Variants in ROBO1 observed in about 807,000 individuals in gnomAD.
ROBO1 encodes the protein roundabout guidance receptor 1.
ROBO1 carries 149 observed loss-of-function variants against 195.9 expected under a neutral mutation model. That is an observed-to-expected ratio of 0.76 (90% confidence interval 0.67 to 0.87). The LOEUF is 0.87. Ranked by LOEUF, ROBO1 falls within the 40% of genes least tolerant of loss-of-function variation. ROBO1 has a pLI of 0.00. For missense variants in ROBO1, 1,933 were observed against 2,068.3 expected (o/e 0.93, Z 1.27); for synonymous variants, 816 against 733.2 (o/e 1.11, Z -1.82).
At chr3:78,943,383 C>A (rs368510243) in intron 3 of ROBO1, among the ~76,000 whole-genome samples, 1 of 152,102 alleles carries the variant, frequency 6.6e-6, no homozygotes, top group Non-Finnish European at 1.5e-5. Context: ...TCCCCTATAG[C>A]GAAACCACAA....
Position 79,136,220 on chromosome 3 carries a change from T to A in ROBO1, c.89-10681A>T, listed in dbSNP as rs187166845. On this transcript the variant is annotated intron_variant, in intron 2 of 30. Transcript: ENST00000464233. ...TAAGAGAAAAGCCTGTTGGTTTAAA[T>A]TCAGAATTTTATTTATTTATTTTTA... Among the ~76,000 whole-genome samples, 5 of 152,334 alleles carry A rather than the reference T, an allele frequency of 3.3e-5. No homozygotes were observed. The East Asian group carries it at 9.6e-4, about 29-fold the overall frequency.
At chr3:78,748,722 T>C (rs1266099280) in intron 4 of ROBO1, among the ~76,000 whole-genome samples, 1 of 152,084 alleles carries the variant, frequency 6.6e-6, no homozygotes. Flanking sequence ...TCGAGTAAGT[T>C]ATCACATCCA....
chr3:79,022,393 A>T (rs1191555164), intron 3 of ROBO1, among the ~76,000 whole-genome samples: 1 of 152,214 alleles, frequency 6.6e-6, no homozygotes, highest in Non-Finnish European at 1.5e-5. Flanking sequence ...ATCTGTCTGA[A>T]AAAAATAAAA....
intron 3 of ROBO1, among the ~76,000 whole-genome samples, chr3:78,995,923 A>G (rs966683316): frequency 6.6e-6 from 1 of 152,106 alleles, no homozygotes; most frequent in Admixed American, 6.6e-5. Flanking sequence ...GTGGGCATAC[A>G]TGATATAAGT....
intron 2 of ROBO1, among the ~76,000 whole-genome samples, chr3:79,434,278 C>T (rs989000717): frequency 6.6e-6 from 1 of 152,264 alleles, no homozygotes; most frequent in African/African-American, 2.4e-5. Flanking sequence ...AATGAACAGG[C>T]AACCTACAGA....
intron 3 of ROBO1, among the ~76,000 whole-genome samples, chr3:78,961,088 T>C (rs997719287): frequency 1.6e-4 from 25 of 152,170 alleles, no homozygotes; most frequent in African/African-American, 5.8e-4. Flanking sequence ...TTAACTGCAA[T>C]TTACAGAAAA....
At chr3:79,010,872 C>T (rs1367592379) in intron 3 of ROBO1, among the ~76,000 whole-genome samples, 2 of 152,128 alleles carry the variant, frequency 1.3e-5, no homozygotes, top group Non-Finnish European at 2.9e-5. Context: ...AGCTTTACGT[C>T]TCCCCAGTTT....
At chr3:79,485,052 G>T (rs889852775) in intron 2 of ROBO1, among the ~76,000 whole-genome samples, 1 of 151,782 alleles carries the variant, frequency 6.6e-6, no homozygotes, top group Non-Finnish European at 1.5e-5. Flanking sequence ...ATGCCCAGCC[G>T]ACTATCTTTA....
intron 2 of ROBO1, among the ~76,000 whole-genome samples, chr3:79,168,800 T>C (rs1306206415): frequency 6.6e-6 from 1 of 152,154 alleles, no homozygotes; most frequent in African/African-American, 2.4e-5. Context: ...TCAGAGGAGC[T>C]TGCATTAAAG....
In ROBO1 at chr3:79,544,025, GGGGTACA is replaced by G. The variant is rs569936361; in HGVS notation, c.88+45792_88+45798del. On this transcript the variant is annotated intron_variant, in intron 2 of 30. Coordinates refer to ENST00000464233, the MANE Select transcript of ROBO1 (RefSeq NM_002941.4). Reference sequence around the variant, plus strand: ...TTTCACACCATAAAAGTGACACCCTGGGGTACAGGCTGCATTGAAGGATTTTTAATAC... The same window carrying G: ...TTTCACACCATAAAAGTGACACCCTGGGCTGCATTGAAGGATTTTTAATAC... 3.8e-3 allele frequency among the ~76,000 whole-genome samples: 576 copies of G among 152,136 alleles called. 2 individuals are homozygous for G. Among genetic ancestry groups the G allele is most frequent in the African/African-American group, 0.013 (548 of 41,534 alleles).
chr3:79,196,045 G>A (rs2081627147), intron 2 of ROBO1, among the ~76,000 whole-genome samples: 1 of 151,498 alleles, frequency 6.6e-6, no homozygotes, highest in South Asian at 2.1e-4. Context: ...ATAAAGTATA[G>A]TGGACAAAAA....
intron 2 of ROBO1, among the ~76,000 whole-genome samples, chr3:79,347,642 T>C (rs76628562): frequency 0.025 from 3,823 of 152,298 alleles, 94 homozygotes; most frequent in South Asian, 0.1. Flanking sequence ...TGCAATAGTA[T>C]TGGCAATAAT....
intron 3 of ROBO1, among the ~76,000 whole-genome samples, chr3:79,088,455 T>A (rs2079415070): frequency 6.6e-6 from 1 of 152,104 alleles, no homozygotes; most frequent in Admixed American, 6.5e-5. Flanking sequence ...ATATACAAAG[T>A]CTTAACAATG....
At chr3:78,830,305 A>G (rs184833347) in intron 4 of ROBO1, among the ~76,000 whole-genome samples, 210 of 152,270 alleles carry the variant, frequency 1.4e-3, no homozygotes, top group African/African-American at 4.7e-3. Context: ...ATCACTGACC[A>G]TATTACTTCA....
At position 79,583,220 on chromosome 3, in the gene ROBO1, A is replaced by C. The variant is rs530597689; in HGVS notation, c.88+6604T>G. Among the ~76,000 whole-genome samples the C allele has an allele frequency of 2.0e-5, 3 of 152,102 alleles. No individual in the cohort carries two copies. The East Asian group carries it at 5.8e-4, about 29-fold the overall frequency. ...ATTAAGTTTTTAGTTACAAGCCATT[A>C]AGTTTATTATGTAGTTATTAAGTTT... is the stretch of plus-strand genomic sequence containing the variant. On this transcript the variant is annotated intron_variant, in intron 2 of 30. Transcript: ENST00000464233.
intron 3 of ROBO1, among the ~76,000 whole-genome samples, chr3:79,074,954 G>A (rs930933864): frequency 6.6e-6 from 1 of 151,776 alleles, no homozygotes; most frequent in Non-Finnish European, 1.5e-5. Context: ...CAATGCATAT[G>A]ATAAAACAGA....
intron 25 of ROBO1, among the ~76,000 whole-genome samples, chr3:78,629,368 C>T (rs1705031112): frequency 6.6e-6 from 1 of 151,992 alleles, no homozygotes; most frequent in African/African-American, 2.4e-5. Flanking sequence ...ATGAAAGCAG[C>T]AATGAATGTT....
intron 2 of ROBO1, among the ~76,000 whole-genome samples, chr3:79,293,761 A>C (rs561476105): frequency 3.3e-5 from 5 of 152,142 alleles, no homozygotes; most frequent in African/African-American, 1.2e-4. Context: ...TCACAGAATT[A>C]GAAAAAACTA....
At chr3:79,689,012 T>C (rs886862886) in intron 1 of ROBO1, among the ~76,000 whole-genome samples, 2 of 152,042 alleles carry the variant, frequency 1.3e-5, no homozygotes, top group Non-Finnish European at 2.9e-5. Flanking sequence ...CTCAGCTAGC[T>C]ATTCTATTTA....
Sources: gnomAD v4.1 joint callset for allele counts (sites outside exome capture counted in the v4.1 genomes callset) on GRCh38, gnomAD v4.1.1 for gene constraint, MANE v1.5 for transcripts, NCBI Gene and HGNC (gene_info 2026-07-23, HGNC 2026-07-21) for gene names.